Variants in ERAP2 observed in about 807,000 individuals in gnomAD.
The protein encoded by ERAP2 is endoplasmic reticulum aminopeptidase 2, also known as leukocyte-derived arginine aminopeptidase.
A neutral mutation model predicts 111.1 loss-of-function variants in ERAP2; 118 were observed. The observed-to-expected ratio is 1.06, with a 90% CI of 0.92 to 1.24. ERAP2 has a LOEUF of 1.24. Ranked by LOEUF, ERAP2 falls within the 50% of genes most tolerant of loss-of-function variation. The pLI is 0.00. For missense variants in ERAP2, 1,131 were observed against 1,125.8 expected (o/e 1.00, Z -0.07); for synonymous variants, 410 against 401.2 (o/e 1.02, Z -0.26).
chr5:96,897,388 C>T (rs1581851516), intron 9 of ERAP2, among the ~76,000 whole-genome samples: 2 of 152,314 alleles, frequency 1.3e-5, no homozygotes, highest in East Asian at 3.9e-4. Flanking sequence ...GAGATTTCAC[C>T]TCCTCCTTAC....
At chr5:96,896,687 C>A (rs184317783) in intron 8 of ERAP2, 45 bp from the exon 9 acceptor site, 1 of 1,522,956 alleles carries the variant, frequency 6.6e-7, no homozygotes, top group South Asian at 1.3e-5. Flanking sequence ...ACCATACTAC[C>A]ATTTTCTTTA....
intron 5 of ERAP2, among the ~76,000 whole-genome samples, chr5:96,890,619 C>G (rs189358594): frequency 6.6e-6 from 1 of 152,196 alleles, no homozygotes; most frequent in Non-Finnish European, 1.5e-5. Flanking sequence ...GGATATACTT[C>G]TTATCCTGTC....
intron 5 of ERAP2, 144 bp from the exon 6 acceptor site, chr5:96,892,155 C>A: frequency 1.8e-5 from 13 of 742,336 alleles, no homozygotes; most frequent in Non-Finnish European, 2.8e-5. Flanking sequence ...TATAAGACAC[C>A]CTGTCAATGT....
In ERAP2 at chr5:96,918,297, C is replaced by T. The variant is rs1255244335; in HGVS notation, c.*692C>T. 1.3e-5 allele frequency: 2 copies of T among 152,254 alleles called. No individual in the cohort carries two copies. Among genetic ancestry groups the T allele is most frequent in the African/African-American group, 4.8e-5 (2 of 41,436 alleles). 9.4% of individuals were successfully genotyped at this position (152,254 alleles called of 1,614,324 possible). A position where few individuals can be genotyped will look rare whatever the true frequency, so the allele number is the denominator to read the frequency against. ...TATTTTGCTTCTTTAATTTTTTTAA[C>T]CTTGCTTAGTATTCTATAGTTTGCC... On this transcript the variant is annotated 3_prime_UTR_variant, in exon 19 of 19. Transcript: ENST00000437043.
intron 5 of ERAP2, among the ~76,000 whole-genome samples, chr5:96,891,643 GCACTTTTTCCCCCCACAA>G (rs945575482): frequency 3.3e-5 from 5 of 151,594 alleles, no homozygotes; most frequent in African/African-American, 1.2e-4. Flanking sequence ...TCATTAGATT[GCACTTTTTCCCCCCACAA>G]CACTTTCTTA....
intron 5 of ERAP2, among the ~76,000 whole-genome samples, chr5:96,891,535 TACACACACAC>T (rs140359623): frequency 1.4e-5 from 2 of 138,934 alleles, no homozygotes; most frequent in African/African-American, 2.7e-5. Context: ...ACGGTATATA[TACACACACAC>T]ACACACACAC....
At chr5:96,887,073 G>GTGTATATATA (rs1554055535) in intron 4 of ERAP2, among the ~76,000 whole-genome samples, 7 of 87,162 alleles carry the variant, frequency 8.0e-5, no homozygotes, top group African/African-American at 3.1e-4. Context: ...AATTTTCAAA[G>GTGTATATATA]TATATATATA....
At chr5:96,894,736 C>A (rs531598560) in intron 6 of ERAP2, among the ~76,000 whole-genome samples, 1 of 152,170 alleles carries the variant, frequency 6.6e-6, no homozygotes, top group Non-Finnish European at 1.5e-5. Context: ...ACTGAATTTG[C>A]TCTTCAGTAA....
At chr5:96,913,574 A>G in intron 17 of ERAP2, 117 bp downstream of exon 17, 3 of 1,194,570 alleles carry the variant, frequency 2.5e-6, no homozygotes, top group Non-Finnish European at 3.6e-6. Context: ...GTATCCAAAT[A>G]GTTCAGTGGA....
rs917495128 is a variant in ERAP2 at position 96,889,399 on chromosome 5, C to T, written c.970+94C>T. On this transcript the variant is annotated intron_variant, in intron 5 of 18. Transcript: ENST00000437043. ...TCTCTTTCTATGTGATTTAAATGAG[C>T]ACTGAGGAATTCAGTTAGCTCAGGA... 6 of 1,372,236 alleles carry T rather than the reference C, an allele frequency of 4.4e-6. No individual in the cohort carries two copies. In the African/African-American group the frequency reaches 8.6e-5, roughly 20 times the overall value. The allele number at this position is 1,372,236 out of a possible 1,614,324, so 85.0% of individuals were successfully genotyped here. A position where few individuals can be genotyped will look rare whatever the true frequency, so the allele number is the denominator to read the frequency against.
chr5:96,878,536 G>A (rs1230362), intron 1 of ERAP2, among the ~76,000 whole-genome samples: 54,172 of 151,988 alleles, frequency 0.36, 10,350 homozygotes, highest in East Asian at 0.5. Flanking sequence ...ATGTGTGCCT[G>A]TGGTTCCAGC....
chr5:96,891,025 G>A (rs1559356), intron 5 of ERAP2, among the ~76,000 whole-genome samples: 83,010 of 151,476 alleles, frequency 0.55, 22,718 homozygotes, highest in Admixed American at 0.6. Flanking sequence ...TCATCAATGC[G>A]ATTTAGAAGA....
rs535971306 is a variant in ERAP2, at chr5:96,904,318, T to G, written c.2012+758T>G. On this transcript the variant is annotated intron_variant, in intron 13 of 18. Transcript: ENST00000437043. ...GAATTGAGGACCAGGAAGTATATTG[T>G]GCATTGCAAGCTTTCCCTATTCTGA... 5.4e-4 allele frequency among the ~76,000 whole-genome samples: 82 copies of G among 152,344 alleles called. No homozygotes were observed. The South Asian group carries it at 0.017, about 31-fold the overall frequency.
At chr5:96,912,912 T>A in intron 16 of ERAP2, 114 bp downstream of exon 16, 1 of 810,034 alleles carries the variant, frequency 1.2e-6, no homozygotes, top group Non-Finnish European at 1.9e-6. Flanking sequence ...TCAGAATGTG[T>A]ATGGCTTTAA....
chr5:96,893,717 TC>T (rs1343428944), intron 6 of ERAP2, among the ~76,000 whole-genome samples: 1 of 152,142 alleles, frequency 6.6e-6, no homozygotes. Context: ...TTTTTTGTCT[TC>T]CCATTGATTA....
At chr5:96,886,558 T>C in intron 3 of ERAP2, 97 bp from the exon 4 acceptor site, 1 of 1,083,108 alleles carries the variant, frequency 9.2e-7, no homozygotes, top group Non-Finnish European at 1.2e-6. Context: ...TCCTTCAGAG[T>C]ATGAGGCTTG....
At chr5:96,882,365 C>T (rs534282385) in intron 2 of ERAP2, among the ~76,000 whole-genome samples, 1 of 152,136 alleles carries the variant, frequency 6.6e-6, no homozygotes, top group African/African-American at 2.4e-5. Flanking sequence ...GCATGCCTCC[C>T]GTGATTAATT....
chr5:96,914,146 T>TCACACACACACACACA lies in ERAP2; in HGVS notation c.2657+690_2657+691insACACACACACACACAC, dbSNP rs778108523. 6.8e-3 allele frequency among the ~76,000 whole-genome samples: 711 copies of TCACACACACACACACA among 104,662 alleles called. 11 individuals are homozygous for TCACACACACACACACA. The highest frequency in any genetic ancestry group is 0.026 in the African/African-American group (662 of 25,832). 68.7% of individuals were successfully genotyped at this position (104,662 alleles called of 152,430 possible). ...TGCTTTCTGTCTCTCTCTCTCTCTC[T>TCACACACACACACACA]CTCACACACACACACACACACAATC... On this transcript the variant is annotated intron_variant, in intron 17 of 18. Coordinates refer to ENST00000437043, the MANE Select transcript of ERAP2 (RefSeq NM_022350.5).
rs758754183 is a variant in ERAP2, at chr5:96,912,634, C to G, written c.2355-3C>G. ...TTCTTCATTTTTATGCTTGATATTA[C>G]AGTATACCAACAGATGTTTTAAAGA... On this transcript the variant is annotated splice_polypyrimidine_tract_variant and splice_region_variant and intron_variant, in intron 15 of 18. Transcript: ENST00000437043. 2.5e-6 allele frequency: 4 copies of G among 1,595,288 alleles called. No individual in the cohort carries two copies. The highest frequency in any genetic ancestry group is 3.4e-6 in the Non-Finnish European group (4 of 1,174,590).
Sources: gnomAD v4.1 joint callset for allele counts (sites outside exome capture counted in the v4.1 genomes callset) on GRCh38, gnomAD v4.1.1 for gene constraint, MANE v1.5 for transcripts, NCBI Gene and HGNC (gene_info 2026-07-23, HGNC 2026-07-21) for gene names.